MSRB3: variants seen among roughly 807,000 people sequenced by gnomAD.
MSRB3 encodes methionine sulfoxide reductase B3.
MSRB3 carries 13 observed loss-of-function variants against 21.0 expected under a neutral mutation model. The ratio of observed to expected loss-of-function variants is 0.62; its 90% CI spans 0.40 to 0.98. The LOEUF is 0.98. Ranked by LOEUF, MSRB3 falls within the 50% of genes least tolerant of loss-of-function variation. MSRB3 has a pLI of 0.00. For synonymous variants in MSRB3, 87 were observed against 88.6 expected, an observed-to-expected ratio of 0.98 and a Z score of 0.10; for missense variants, 199 against 230.3, an observed-to-expected ratio of 0.86 and a Z score of 0.88.
At chr12:65,318,377 G>T in intron 2 of MSRB3, among the ~76,000 whole-genome samples, 1 of 152,122 alleles carries the variant, frequency 6.6e-6, no homozygotes, top group East Asian at 1.9e-4. Context: ...TTTGTGGGTG[G>T]TTACCGCTCA....
chr12:65,450,922 G>A (rs1882828283), intron 5 of MSRB3, among the ~76,000 whole-genome samples: 1 of 152,204 alleles, frequency 6.6e-6, no homozygotes, highest in Non-Finnish European at 1.5e-5. Flanking sequence ...CTGCCATAAG[G>A]CAGTTTATTA....
intron 2 of MSRB3, among the ~76,000 whole-genome samples, chr12:65,315,578 G>T (rs956195215): frequency 1.4e-5 from 2 of 147,870 alleles, no homozygotes; most frequent in Non-Finnish European, 3.0e-5. Context: ...TGAAGCAGGA[G>T]AATCGCTTAA....
intron 5 of MSRB3, among the ~76,000 whole-genome samples, chr12:65,369,847 A>G (rs1300038477): frequency 2.0e-5 from 3 of 152,200 alleles, no homozygotes; most frequent in Non-Finnish European, 4.4e-5. Context: ...TTGAATTTAC[A>G]AGTAACATTT....
Position 65,353,842 on chromosome 12 carries a change from A to G in MSRB3, c.264-15156A>G, listed in dbSNP as rs374921751. On this transcript the variant is annotated intron_variant, in intron 4 of 6. Coordinates refer to ENST00000308259, the MANE Select transcript of MSRB3 (RefSeq NM_001031679.3). ...GCCTCGATGGTCTTCACAATTTGGC[A>G]TGTTTTTGCAGCGGCTGGTACTGGT... Among the ~76,000 whole-genome samples the G allele has an allele frequency of 6.6e-5, 10 of 152,220 alleles. No individual in the cohort carries two copies. The East Asian group carries it at 1.7e-3, about 26-fold the overall frequency.
intron 5 of MSRB3, among the ~76,000 whole-genome samples, chr12:65,403,902 A>G (rs936162248): frequency 1.3e-5 from 2 of 152,042 alleles, no homozygotes; most frequent in Admixed American, 1.3e-4. Context: ...GTGACACCCC[A>G]CCCTGCTTCG....
intron 5 of MSRB3, among the ~76,000 whole-genome samples, chr12:65,383,522 T>C (rs975440553): frequency 1.3e-5 from 2 of 152,174 alleles, no homozygotes; most frequent in Non-Finnish European, 2.9e-5. Context: ...TTAATTTAAG[T>C]GTTGATTCAA....
At chr12:65,430,369 A>G (rs890281843) in intron 5 of MSRB3, among the ~76,000 whole-genome samples, 1 of 152,208 alleles carries the variant, frequency 6.6e-6, no homozygotes, top group Admixed American at 6.5e-5. Flanking sequence ...AATCTAACAC[A>G]TAGTTATAAT....
chr12:65,419,980 G>T, intron 5 of MSRB3: 1 of 575,674 alleles, frequency 1.7e-6, no homozygotes, highest in South Asian at 1.4e-5. Context: ...CCCAGGGATG[G>T]GTAGGTAGTT....
intron 5 of MSRB3, among the ~76,000 whole-genome samples, chr12:65,445,651 T>G (rs1416107931): frequency 6.8e-6 from 1 of 148,088 alleles, no homozygotes; most frequent in Non-Finnish European, 1.5e-5. Flanking sequence ...TATATATAAT[T>G]TTTTTTTTTT....
chr12:65,398,510 AT>A (rs1879940096), intron 5 of MSRB3, among the ~76,000 whole-genome samples: 2 of 151,914 alleles, frequency 1.3e-5, no homozygotes, highest in Admixed American at 1.3e-4. Flanking sequence ...GATATTAGCC[AT>A]TTGTCAGATG....
chr12:65,459,457 T>C (rs886789526), intron 6 of MSRB3, among the ~76,000 whole-genome samples: 1 of 152,166 alleles, frequency 6.6e-6, no homozygotes, highest in African/African-American at 2.4e-5. Flanking sequence ...ATCATAATGC[T>C]AAACTGGTGA....
At chr12:65,327,302 G>C (rs2136451776) in intron 3 of MSRB3, among the ~76,000 whole-genome samples, 1 of 152,352 alleles carries the variant, frequency 6.6e-6, no homozygotes, top group South Asian at 2.1e-4. Context: ...AAATTTTGAA[G>C]GTGGCCATTG....
At chr12:65,379,523 T>G (rs1878826667) in intron 5 of MSRB3, among the ~76,000 whole-genome samples, 1 of 152,184 alleles carries the variant, frequency 6.6e-6, no homozygotes, top group Admixed American at 6.5e-5. Flanking sequence ...CTTTCTTCAG[T>G]CAGTCCCCAC....
Position 65,353,337 on chromosome 12 carries a change from C to A in MSRB3, c.264-15661C>A, listed in dbSNP as rs550450947. On this transcript the variant is annotated intron_variant, in intron 4 of 6. Transcript: ENST00000308259. ...GTTGACAGTGGGGTGTTAAAGTCTCCCATTATTATTGTGTGGGAGTCTAAG... is the reference window on the plus strand; with the variant it reads ...GTTGACAGTGGGGTGTTAAAGTCTCACATTATTATTGTGTGGGAGTCTAAG... 2.8e-4 allele frequency among the ~76,000 whole-genome samples: 42 copies of A among 152,008 alleles called. No individual in the cohort carries two copies. The South Asian group carries it at 8.8e-3, about 32-fold the overall frequency.
intron 5 of MSRB3, among the ~76,000 whole-genome samples, chr12:65,370,348 T>C (rs1194159955): frequency 6.6e-6 from 1 of 152,176 alleles, no homozygotes; most frequent in African/African-American, 2.4e-5. Flanking sequence ...TAATTTTACC[T>C]AAAAATTACA....
chr12:65,345,872 G>A (rs912769218), intron 4 of MSRB3, among the ~76,000 whole-genome samples: 1 of 152,046 alleles, frequency 6.6e-6, no homozygotes, highest in African/African-American at 2.4e-5. Context: ...TGAGAATGAT[G>A]GTTTCCAGCT....
chr12:65,325,638 A>G (rs536893614), intron 2 of MSRB3, among the ~76,000 whole-genome samples: 2 of 152,302 alleles, frequency 1.3e-5, no homozygotes, highest in East Asian at 3.9e-4. Flanking sequence ...ACGTAAAAAA[A>G]ACGGGAAGCA....
chr12:65,397,273 T>C (rs1404103700), intron 5 of MSRB3, among the ~76,000 whole-genome samples: 1 of 152,238 alleles, frequency 6.6e-6, no homozygotes, highest in African/African-American at 2.4e-5. Context: ...AGTGGATTTC[T>C]TGTAGACAGC....
At chr12:65,388,277 G>T (rs910017410) in intron 5 of MSRB3, among the ~76,000 whole-genome samples, 14 of 152,078 alleles carry the variant, frequency 9.2e-5, no homozygotes, top group African/African-American at 3.4e-4. Flanking sequence ...TGAGAAAAAG[G>T]GTCCTCTCCT....
Sources: gnomAD v4.1 joint callset for allele counts (sites outside exome capture counted in the v4.1 genomes callset) on GRCh38, gnomAD v4.1.1 for gene constraint, MANE v1.5 for transcripts, NCBI Gene and HGNC (gene_info 2026-07-23, HGNC 2026-07-21) for gene names.